TGM3: variants seen among roughly 807,000 people sequenced by gnomAD.
TGM3 encodes the protein transglutaminase 3.
Under a neutral mutation model 73.8 loss-of-function variants are expected in TGM3, and 52 were observed. That is an observed-to-expected ratio of 0.70 (90% CI 0.56 to 0.89). The LOEUF is 0.89. TGM3 is among the 40% of genes least tolerant of loss of function. The pLI is 0.00. For missense variants in TGM3, 928 were observed against 909.9 expected (o/e 1.02, Z -0.26); for synonymous variants, 372 against 354.9 (o/e 1.05, Z -0.54).
chr20:2,335,062 T>C (rs2084341503), intron 10 of TGM3, 54 bp from the exon 11 acceptor site: 1 of 1,604,280 alleles, frequency 6.2e-7, no homozygotes, highest in African/African-American at 1.3e-5. Flanking sequence ...CTGAGGAAGG[T>C]TCAGAAGCCA....
chr20:2,337,399 G>C (rs898076420), intron 11 of TGM3, among the ~76,000 whole-genome samples: 4 of 152,138 alleles, frequency 2.6e-5, no homozygotes, highest in Admixed American at 2.6e-4. Flanking sequence ...AGAACATTCT[G>C]TACTAAAGTG....
rs1232553635 is a variant in TGM3 at position 2,334,602 on chromosome 20, A to C, written c.1643-514A>C. On this transcript the variant is annotated intron_variant, in intron 10 of 12. Transcript: ENST00000381458. The surrounding 1 kb of genome is among the most constrained non-coding windows in gnomAD (Gnocchi z 4.0). ...TTATTGTGTTACTGTCATGATTGCT[A>C]CTGTTGTTGGCAATCAGGTGGCATT... 6.6e-6 allele frequency among the ~76,000 whole-genome samples: 1 copy of C among 151,986 alleles called. No individual in the cohort carries two copies. Among genetic ancestry groups the C allele is most frequent in the Non-Finnish European group, 1.5e-5 (1 of 67,990 alleles).
chr20:2,337,357 A>G (rs1473969565), intron 11 of TGM3, among the ~76,000 whole-genome samples: 1 of 152,232 alleles, frequency 6.6e-6, no homozygotes, highest in Non-Finnish European at 1.5e-5. Flanking sequence ...GAGGCTAGAA[A>G]ATGATACTGG....
rs1051275720 is a variant in TGM3 at position 2,328,432 on chromosome 20, G to C, written c.1333+67G>C. 1.1e-5 allele frequency: 17 copies of C among 1,593,260 alleles called. No homozygotes were observed. The highest frequency in any genetic ancestry group is 1.5e-5 in the Non-Finnish European group (17 of 1,169,104). ...TTGTGGGAGGATGGCTCTGAGGCTG[G>C]AGAGGAGAAAAGTCCTCACCTCCCC... is the stretch of plus-strand genomic sequence containing the variant. On this transcript the variant is annotated intron_variant, in intron 9 of 12. Coordinates refer to ENST00000381458, the MANE Select transcript of TGM3 (RefSeq NM_003245.4). This position sits in a 1 kb window ranked among gnomAD's most constrained non-coding sequence, Gnocchi z 5.2.
chr20:2,323,917 A>G (rs960250964), intron 7 of TGM3, among the ~76,000 whole-genome samples: 9 of 151,726 alleles, frequency 5.9e-5, no homozygotes, highest in African/African-American at 2.2e-4. Context: ...TTCTTTTTCT[A>G]TTTCTTATTT....
rs117622440 is a variant in TGM3, at chr20:2,333,063, G to T, written c.1642+753G>T. On this transcript the variant is annotated intron_variant, in intron 10 of 12. Coordinates refer to ENST00000381458, the MANE Select transcript of TGM3 (RefSeq NM_003245.4). ...GCAGATAAAGGTTGTGCTGTGGAAG[G>T]ATTAGAATGCAGGTGTGCCCACATT... Among the ~76,000 whole-genome samples, 51 of 152,348 alleles carry T rather than the reference G, an allele frequency of 3.3e-4. No individual in the cohort carries two copies. The East Asian group carries it at 7.5e-3, about 22-fold the overall frequency.
chr20:2,310,565 T>G lies in TGM3; in HGVS notation c.421+148T>G, dbSNP rs535699098. 4.6e-6 allele frequency: 6 copies of G among 1,301,504 alleles called. No individual in the cohort carries two copies. The African/African-American group carries it at 7.4e-5, about 16-fold the overall frequency. The allele number at this position is 1,301,504 out of a possible 1,614,324, so 80.6% of individuals were successfully genotyped here. ...CGCAGAAGCTAGAAATGAGGAGCTC[T>G]GACACTTAAGCAGCTGTCTGAGTGT... On this transcript the variant is annotated intron_variant, in intron 3 of 12. Transcript: ENST00000381458.
chr20:2,332,341 C>A lies in TGM3; in HGVS notation c.1642+31C>A, dbSNP rs769909501. The A allele has an allele frequency of 6.5e-7, 1 of 1,538,148 alleles. No homozygotes were observed. The highest frequency in any genetic ancestry group is 2.3e-5 in the East Asian group (1 of 43,510). On this transcript the variant is annotated intron_variant, in intron 10 of 12. Transcript: ENST00000381458. The surrounding 1 kb of genome is among the most constrained non-coding windows in gnomAD (Gnocchi z 4.4). Reference sequence around the variant, plus strand: ...GCATCCCGCAGTTGGAGGAGATCCACGAATCCGAGGTAGCCAATGGCCTTC... The same window carrying A: ...GCATCCCGCAGTTGGAGGAGATCCAAGAATCCGAGGTAGCCAATGGCCTTC...
chr20:2,322,473 A>T (rs1440271079), intron 7 of TGM3, among the ~76,000 whole-genome samples: 2 of 152,210 alleles, frequency 1.3e-5, no homozygotes, highest in Admixed American at 1.3e-4. Context: ...TCATTAAAAA[A>T]TCTTCAAAAA....
rs2084112502 is a variant in TGM3, at chr20:2,297,052, T to C, written c.7+982T>C. On this transcript the variant is annotated intron_variant, in intron 1 of 12. Transcript: ENST00000381458. ...CTCCCCTGTCTCCCATTCCTTGCTGTAATGTACAGCATGGCTGGGATGCTA... is the reference window on the plus strand; with the variant it reads ...CTCCCCTGTCTCCCATTCCTTGCTGCAATGTACAGCATGGCTGGGATGCTA... Among the ~76,000 whole-genome samples, 3 of 152,260 alleles carry C rather than the reference T, an allele frequency of 2.0e-5. No individual in the cohort carries two copies. The South Asian group carries it at 6.2e-4, about 32-fold the overall frequency.
In TGM3 at chr20:2,326,120, G is replaced by A. The variant is rs2084286615; in HGVS notation, c.1087+168G>A. On this transcript the variant is annotated intron_variant, in intron 8 of 12. Coordinates refer to ENST00000381458, the MANE Select transcript of TGM3 (RefSeq NM_003245.4). ...TCCCCTGCTAATTTTGCTTGGCTCG[G>A]GCTGCTGTTTAAATGAGTGCCTGCC... The A allele has an allele frequency of 4.3e-6, 3 of 702,242 alleles. No homozygotes were observed. The Admixed American group carries it at 7.7e-5, about 18-fold the overall frequency. The allele number at this position is 702,242 out of a possible 1,614,324, so 43.5% of individuals were successfully genotyped here.
chr20:2,297,528 G>A (rs2084116745), intron 1 of TGM3, among the ~76,000 whole-genome samples: 1 of 152,210 alleles, frequency 6.6e-6, no homozygotes, highest in Admixed American at 6.5e-5. Flanking sequence ...TCCCTGTGCA[G>A]GACCTCCCGT....
rs2084299540 is a variant in TGM3, at chr20:2,328,129, A to C, written c.1097A>C (p.Gln366Pro). The C allele has an allele frequency of 6.2e-7, 1 of 1,614,070 alleles. No homozygotes were observed. The highest frequency in any genetic ancestry group is 1.3e-5 in the African/African-American group (1 of 74,918). Residue 366 changes from glutamine (Q) to proline (P), a missense_variant, in exon 9 of 13, where the codon CAG becomes CCG. Gln to Pro is a moderately conservative substitution (Grantham distance 76, BLOSUM62 -1). Transcript: ENST00000381458. The surrounding 1 kb of genome is among the most constrained non-coding windows in gnomAD (Gnocchi z 5.2). ...GCATCTTGGCCTCCAGGGGTGTTCCAGTGCGGCCCCGCTTCGGTCATTGGT... is the reference window on the plus strand; with the variant it reads ...GCATCTTGGCCTCCAGGGGTGTTCCCGTGCGGCCCCGCTTCGGTCATTGGT... Reference protein sequence around the residue: ...TPQERSQGVFQCGPASVIGVR... With the variant: ...TPQERSQGVFPCGPASVIGVR...
chr20:2,335,498 G>T (rs191774366), intron 11 of TGM3, among the ~76,000 whole-genome samples: 10 of 152,208 alleles, frequency 6.6e-5, no homozygotes, highest in African/African-American at 1.2e-4. Flanking sequence ...TGAGATAAAC[G>T]CGTGCATTTG....
chr20:2,337,012 T>G (rs1210888911), intron 11 of TGM3, among the ~76,000 whole-genome samples: 2 of 152,176 alleles, frequency 1.3e-5, no homozygotes, highest in Non-Finnish European at 2.9e-5. Flanking sequence ...AGCTGGAATA[T>G]TATCCTTCTT....
intron 1 of TGM3, among the ~76,000 whole-genome samples, chr20:2,304,226 T>C (rs147463316): frequency 2.0e-4 from 31 of 152,278 alleles, no homozygotes; most frequent in African/African-American, 3.6e-4. Flanking sequence ...GGCTTTGGGA[T>C]TGGGGAGACA....
chr20:2,334,984 A>T lies in TGM3; in HGVS notation c.1643-132A>T, dbSNP rs1247409719. ...GCTTCCCACAGGACCTGGCCCAAGG[A>T]GGGCTCAGTCAAGCCCGGGGCTGCA... On this transcript the variant is annotated intron_variant, in intron 10 of 12. Transcript: ENST00000381458. The surrounding 1 kb of genome is among the most constrained non-coding windows in gnomAD (Gnocchi z 4.0). 3 of 1,145,738 alleles carry T rather than the reference A, an allele frequency of 2.6e-6. No individual in the cohort carries two copies. The African/African-American group carries it at 4.6e-5, about 18-fold the overall frequency. 71.0% of individuals were successfully genotyped at this position (1,145,738 alleles called of 1,614,324 possible). A position where few individuals can be genotyped will look rare whatever the true frequency, so the allele number is the denominator to read the frequency against.
intron 1 of TGM3, among the ~76,000 whole-genome samples, chr20:2,299,967 G>T (rs989604289): frequency 6.6e-6 from 1 of 151,996 alleles, no homozygotes; most frequent in Non-Finnish European, 1.5e-5. Context: ...ATGCTGGCAC[G>T]CACTTGTAGT....
chr20:2,325,210 A>C (rs537568829), intron 7 of TGM3, among the ~76,000 whole-genome samples: 289 of 152,304 alleles, frequency 1.9e-3, no homozygotes, highest in African/African-American at 6.7e-3. Flanking sequence ...AGGAGAGAAG[A>C]GGGCAGAATT....
Sources: gnomAD v4.1 joint callset for allele counts (sites outside exome capture counted in the v4.1 genomes callset) on GRCh38, gnomAD v4.1.1 for gene constraint, Gnocchi (gnomAD v3.1) non-coding constraint, MANE v1.5 for transcripts, NCBI Gene and HGNC (gene_info 2026-07-23, HGNC 2026-07-21) for gene names.